Variants in DYM observed in about 807,000 individuals in gnomAD.
The protein encoded by DYM is dyggve-Melchior-Clausen syndrome protein.
Under a neutral mutation model 93.1 loss-of-function variants are expected in DYM, and 78 were observed. The observed-to-expected ratio is 0.84, with a 90% CI of 0.70 to 1.01. The LOEUF is 1.01. Among genes scored for constraint, DYM ranks in the 50% least tolerant of loss-of-function variants. DYM has a pLI of 0.00. For synonymous variants in DYM, 321 were observed against 319.7 expected (o/e 1.00, Z -0.04); for missense variants, 789 against 845.0 (o/e 0.93, Z 0.82).
chr18:49,236,604 G>C (rs953208756), intron 13 of DYM, among the ~76,000 whole-genome samples: 7 of 152,246 alleles, frequency 4.6e-5, no homozygotes, highest in Middle Eastern at 3.4e-3. Context: ...AGAAGAAATT[G>C]CTTTATAAAT....
chr18:49,044,049 C>G lies in DYM; in HGVS notation c.*6G>C, dbSNP rs1478554065. 12 of 1,612,872 alleles carry G rather than the reference C, an allele frequency of 7.4e-6. No individual in the cohort carries two copies. Among genetic ancestry groups the G allele is most frequent in the Non-Finnish European group, 9.3e-6 (11 of 1,179,990 alleles). On this transcript the variant is annotated 3_prime_UTR_variant, in exon 18 of 18. Transcript: ENST00000675505. ...GGAGGGGTCCGGGTGGGAGAGCATC[C>G]TGCCCTCAGTCGGAATCCATGGTGA...
chr18:49,292,596 A>ACAAAAAAAAAAC (rs201393641), intron 8 of DYM, among the ~76,000 whole-genome samples: 1 of 6,698 alleles, frequency 1.5e-4, no homozygotes, highest in African/African-American at 2.1e-4. Context: ...CTGTTGGAAA[A>ACAAAAAAAAAAC]AAAAAAAAAA....
At chr18:49,146,007 T>C (rs1209330466) in intron 15 of DYM, among the ~76,000 whole-genome samples, 1 of 152,174 alleles carries the variant, frequency 6.6e-6, no homozygotes. Flanking sequence ...TCATTTTCTA[T>C]TGATTCCCTA....
chr18:49,345,575 T>C (rs2064517334), intron 6 of DYM, among the ~76,000 whole-genome samples: 1 of 152,028 alleles, frequency 6.6e-6, no homozygotes, highest in South Asian at 2.1e-4. Context: ...AAGGTAGGAA[T>C]ACACCTAGTA....
chr18:49,254,325 T>TATATATATATAC (rs1279388698), intron 13 of DYM, among the ~76,000 whole-genome samples: 58 of 138,552 alleles, frequency 4.2e-4, no homozygotes, highest in South Asian at 1.4e-3. Flanking sequence ...TATATATATA[T>TATATATATATAC]ACACACATAG....
intron 14 of DYM, among the ~76,000 whole-genome samples, chr18:49,188,331 T>A (rs1040584263): frequency 7.2e-5 from 11 of 152,178 alleles, no homozygotes; most frequent in African/African-American, 2.7e-4. Flanking sequence ...TTTTGTTTTA[T>A]GAGGCCCATC....
intron 14 of DYM, among the ~76,000 whole-genome samples, chr18:49,195,430 T>C (rs958107770): frequency 1.3e-4 from 20 of 152,210 alleles, no homozygotes; most frequent in Non-Finnish European, 2.1e-4. Flanking sequence ...TTCTAGTTTT[T>C]TGAGAATATA....
chr18:49,145,225 C>CA (rs2084992309), intron 15 of DYM, among the ~76,000 whole-genome samples: 1 of 148,582 alleles, frequency 6.7e-6, no homozygotes. Flanking sequence ...ATTAAACTCA[C>CA]ATTACACCCG....
rs1160677191 is a variant in DYM at position 49,257,015 on chromosome 18, G to A, written c.1455C>T (p.Ile485=). Residue 485 remains isoleucine (I), a synonymous_variant, in exon 13 of 18, where the codon ATC becomes ATT. Coordinates refer to ENST00000675505, the MANE Select transcript of DYM (RefSeq NM_001353214.3). ...RSLHQYAAQR[I]ISYTCRHLRR... ...CTTTTAAAGTTCATATTTACCTGAT[G>A]ATCCTCTGGGCAGCATACTGATGGA... The A allele has an allele frequency of 3.7e-6, 6 of 1,612,196 alleles. No homozygotes were observed. The African/African-American group carries it at 8.0e-5, about 22-fold the overall frequency.
intron 13 of DYM, among the ~76,000 whole-genome samples, chr18:49,235,807 T>TA (rs1413259362): frequency 1.3e-5 from 2 of 149,794 alleles, no homozygotes; most frequent in African/African-American, 2.4e-5. Flanking sequence ...AAAAAATGCC[T>TA]AAAATCTTTC....
intron 8 of DYM, among the ~76,000 whole-genome samples, chr18:49,293,108 A>G (rs527814778): frequency 2.4e-4 from 36 of 152,264 alleles, no homozygotes; most frequent in African/African-American, 7.0e-4. Context: ...TAATTTGCTG[A>G]GAATGATGGT....
intron 14 of DYM, among the ~76,000 whole-genome samples, chr18:49,201,010 T>C (rs570925501): frequency 6.6e-6 from 1 of 152,330 alleles, no homozygotes; most frequent in Non-Finnish European, 1.5e-5. Context: ...TCACGTATTA[T>C]GCTATATCTT....
At chr18:49,294,872 A>G (rs2060422546) in intron 8 of DYM, among the ~76,000 whole-genome samples, 1 of 152,192 alleles carries the variant, frequency 6.6e-6, no homozygotes, top group Non-Finnish European at 1.5e-5. Context: ...AAACTGTAAT[A>G]CTGATACAAA....
chr18:49,247,635 C>A (rs1403972579), intron 13 of DYM, among the ~76,000 whole-genome samples: 1 of 152,148 alleles, frequency 6.6e-6, no homozygotes, highest in African/African-American at 2.4e-5. Context: ...AAGAAATAAA[C>A]AATCTGATAA....
chr18:49,427,296 T>A (rs2074380432), intron 2 of DYM, among the ~76,000 whole-genome samples: 2 of 151,992 alleles, frequency 1.3e-5, no homozygotes, highest in African/African-American at 4.8e-5. Context: ...ATACAGAAGA[T>A]GGAACATTCT....
chr18:49,162,895 C>G (rs895641026), intron 15 of DYM, among the ~76,000 whole-genome samples: 2 of 152,144 alleles, frequency 1.3e-5, no homozygotes, highest in Non-Finnish European at 2.9e-5. Flanking sequence ...ACAGATAAAC[C>G]TGGATGGTAG....
intron 17 of DYM, among the ~76,000 whole-genome samples, chr18:49,046,263 C>G (rs1358631401): frequency 2.1e-5 from 2 of 96,182 alleles, no homozygotes; most frequent in African/African-American, 5.7e-5. Context: ...ATACCCACAA[C>G]ATATACACAG....
chr18:49,195,119 A>AT (rs1044342038), intron 14 of DYM, among the ~76,000 whole-genome samples: 1 of 151,932 alleles, frequency 6.6e-6, no homozygotes, highest in East Asian at 1.9e-4. Flanking sequence ...TTACTTTATG[A>AT]TTTTTTTCAT....
chr18:49,281,167 G>C (rs1003744624), intron 10 of DYM, among the ~76,000 whole-genome samples: 2 of 152,200 alleles, frequency 1.3e-5, no homozygotes, highest in African/African-American at 4.8e-5. Flanking sequence ...CTTCTCAAAA[G>C]AAGACATTTA....
Sources: gnomAD v4.1 joint callset for allele counts (sites outside exome capture counted in the v4.1 genomes callset) on GRCh38, gnomAD v4.1.1 for gene constraint, MANE v1.5 for transcripts, NCBI Gene and HGNC (gene_info 2026-07-23, HGNC 2026-07-21) for gene names.